Variants in HABP4 observed in about 807,000 individuals in gnomAD.
The protein encoded by HABP4 is hyaluronan binding protein 4, also known as intracellular hyaluronan-binding protein 4.
A neutral mutation model predicts 44.1 loss-of-function variants in HABP4; 32 were observed. The observed-to-expected ratio is 0.73, with a 90% CI of 0.55 to 0.97. The LOEUF (loss-of-function observed/expected upper bound fraction) is 0.97, where lower values mean the gene tolerates loss of function less well. Among genes scored for constraint, HABP4 ranks in the 50% least tolerant of loss-of-function variants. The pLI is 0.00. For missense variants in HABP4, 503 were observed against 561.9 expected (o/e 0.90, Z 1.06); for synonymous variants, 216 against 218.0 (o/e 0.99, Z 0.08).
intron 1 of HABP4, among the ~76,000 whole-genome samples, chr9:96,456,789 A>G (rs2131116654): frequency 1.8e-5 from 1 of 57,040 alleles, no homozygotes; most frequent in South Asian, 7.5e-4. Context: ...AAATATATAT[A>G]TATATATATA....
intron 1 of HABP4, among the ~76,000 whole-genome samples, chr9:96,454,509 G>T (rs1344075028): frequency 6.8e-6 from 1 of 146,846 alleles, no homozygotes; most frequent in African/African-American, 2.5e-5. Flanking sequence ...GAAGTGCAGT[G>T]GCACGATCTT....
At position 96,491,168 on chromosome 9, in the gene HABP4, C is replaced by T. The variant is rs1833089678; in HGVS notation, c.*1130C>T. 1 of 152,240 alleles carries T rather than the reference C, an allele frequency of 6.6e-6. No individual in the cohort carries two copies. Among genetic ancestry groups the T allele is most frequent in the East Asian group, 1.9e-4 (1 of 5,194 alleles). 9.4% of individuals were successfully genotyped at this position (152,240 alleles called of 1,614,324 possible). On this transcript the variant is annotated 3_prime_UTR_variant, in exon 8 of 8. Transcript: ENST00000375249. ...TGGGGTGTTGCTCTCCCCGCTTTCTCATAGACACAGAGGTACTGTCTGCCT... is the reference window on the plus strand; with the variant it reads ...TGGGGTGTTGCTCTCCCCGCTTTCTTATAGACACAGAGGTACTGTCTGCCT...
intron 2 of HABP4, among the ~76,000 whole-genome samples, chr9:96,459,024 G>A (rs1160090042): frequency 1.3e-5 from 2 of 152,176 alleles, no homozygotes; most frequent in East Asian, 3.9e-4. Flanking sequence ...ATGATGGGAA[G>A]GATCTTCCTT....
intron 1 of HABP4, among the ~76,000 whole-genome samples, chr9:96,457,484 C>A (rs1275438439): frequency 6.6e-6 from 1 of 152,226 alleles, no homozygotes; most frequent in African/African-American, 2.4e-5. Context: ...GGTTCATATT[C>A]AGGAAGTTAT....
intron 2 of HABP4, among the ~76,000 whole-genome samples, chr9:96,460,302 G>C (rs577827130): frequency 3.3e-5 from 5 of 151,776 alleles, no homozygotes; most frequent in African/African-American, 1.2e-4. Context: ...TCTGCCCTTC[G>C]AGACCCCCCA....
At chr9:96,461,653 T>A (rs561476289) in intron 2 of HABP4, among the ~76,000 whole-genome samples, 12 of 152,262 alleles carry the variant, frequency 7.9e-5, no homozygotes, top group South Asian at 2.1e-4. Flanking sequence ...GTGACAAGAC[T>A]ACTACACACA....
intron 1 of HABP4, among the ~76,000 whole-genome samples, chr9:96,455,172 T>C (rs1318860407): frequency 6.6e-6 from 1 of 151,988 alleles, no homozygotes; most frequent in Non-Finnish European, 1.5e-5. Flanking sequence ...AATACTCTGC[T>C]GGGTGCAGTG....
At chr9:96,474,326 T>C (rs540355862) in intron 5 of HABP4, among the ~76,000 whole-genome samples, 1 of 152,342 alleles carries the variant, frequency 6.6e-6, no homozygotes, top group South Asian at 2.1e-4. Context: ...CAGGAGAACA[T>C]TATATCCTTT....
Position 96,491,329 on chromosome 9 carries a change from G to A in HABP4, c.*1291G>A, listed in dbSNP as rs781556344. On this transcript the variant is annotated 3_prime_UTR_variant, in exon 8 of 8. Transcript: ENST00000375249. The stretch of plus-strand genomic sequence containing the variant: ...CAAGTGCAAATAAAGGTTGGTATTC[G>A]CTCCTGACTTTGTGTAGAGAAAACA... 5.9e-5 allele frequency: 9 copies of A among 152,306 alleles called. No individual in the cohort carries two copies. Among genetic ancestry groups the A allele is most frequent in the East Asian group, 3.9e-4 (2 of 5,190 alleles). The allele number at this position is 152,306 out of a possible 1,614,324, so 9.4% of individuals were successfully genotyped here.
At chr9:96,467,088 A>G (rs542458455) in intron 4 of HABP4, among the ~76,000 whole-genome samples, 2 of 151,774 alleles carry the variant, frequency 1.3e-5, no homozygotes, top group African/African-American at 4.8e-5. Flanking sequence ...ATGCCTGGCT[A>G]ATTTTTGTAT....
intron 5 of HABP4, chr9:96,483,498 C>T (rs957595484): frequency 2.6e-5 from 4 of 152,188 alleles, no homozygotes; most frequent in African/African-American, 9.7e-5. Flanking sequence ...GCGATCCTCC[C>T]ACCTCAGCCC....
rs1292635425 is a variant in HABP4, at chr9:96,456,777, AAAAATATATATATATATAT to A, written c.350-1600_350-1582del. On this transcript the variant is annotated intron_variant, in intron 1 of 7. Transcript: ENST00000375249. ...TCCATCTCAAAAAAAAAAAAAAAAAAAAAATATATATATATATATATATATATATATATATATATATATA... is the reference window on the plus strand; with the variant it reads ...TCCATCTCAAAAAAAAAAAAAAAAAAATATATATATATATATATATATATA... 4.2e-4 allele frequency among the ~76,000 whole-genome samples: 27 copies of A among 64,452 alleles called. No homozygotes were observed. In the East Asian group the frequency reaches 0.014, roughly 34 times the overall value. The allele number at this position is 64,452 out of a possible 152,430, so 42.3% of individuals were successfully genotyped here. A position where few individuals can be genotyped will look rare whatever the true frequency, so the allele number is the denominator to read the frequency against.
chr9:96,453,877 TGTG>T (rs1371553992), intron 1 of HABP4, among the ~76,000 whole-genome samples: 2 of 150,724 alleles, frequency 1.3e-5, no homozygotes. Flanking sequence ...AGTACTAAAT[TGTG>T]GGGAAAAAAT....
chr9:96,450,822 G>C lies in HABP4; in HGVS notation c.349+194G>C, dbSNP rs1832262219. Reference sequence around the variant, plus strand: ...TCGCCAGCCTCGTGCGGGGCTCCGGGGGAAACGCTGGCTTGGGGTGGGATA... The same window carrying C: ...TCGCCAGCCTCGTGCGGGGCTCCGGCGGAAACGCTGGCTTGGGGTGGGATA... On this transcript the variant is annotated intron_variant, in intron 1 of 7. Transcript: ENST00000375249. This position sits in a 1 kb window ranked among gnomAD's most constrained non-coding sequence, Gnocchi z 4.8. Among the ~76,000 whole-genome samples the C allele has an allele frequency of 6.6e-6, 1 of 152,190 alleles. No individual in the cohort carries two copies. Among genetic ancestry groups the C allele is most frequent in the Admixed American group, 6.5e-5 (1 of 15,286 alleles).
rs1833005245 is a variant in HABP4, at chr9:96,488,026, A to T, written c.1000-63A>T. ...CCTGTGTAGCACACTGCAGCCACTA[A>T]GCCAGATGAGTGTGGGGATGGCTGT... On this transcript the variant is annotated intron_variant, in intron 6 of 7. Coordinates refer to ENST00000375249, the MANE Select transcript of HABP4 (RefSeq NM_014282.4). This position sits in a 1 kb window ranked among gnomAD's most constrained non-coding sequence, Gnocchi z 4.6. 2.6e-6 allele frequency: 3 copies of T among 1,158,678 alleles called. No individual in the cohort carries two copies. Among genetic ancestry groups the T allele is most frequent in the Non-Finnish European group, 3.9e-6 (3 of 775,766 alleles). 71.8% of individuals were successfully genotyped at this position (1,158,678 alleles called of 1,614,324 possible).
At chr9:96,472,510 A>G (rs1832714968) in intron 5 of HABP4, among the ~76,000 whole-genome samples, 1 of 152,080 alleles carries the variant, frequency 6.6e-6, no homozygotes, top group Admixed American at 6.6e-5. Context: ...CAAGACTGCT[A>G]CACCTGCACG....
chr9:96,456,770 AAAAAAAAAAAATATAT>A (rs1390395461), intron 1 of HABP4, among the ~76,000 whole-genome samples: 4 of 69,314 alleles, frequency 5.8e-5, no homozygotes, highest in East Asian at 4.8e-4. Flanking sequence ...AAAAAAAAAA[AAAAAAAAAAAATATAT>A]ATATATATAT....
intron 1 of HABP4, among the ~76,000 whole-genome samples, chr9:96,451,114 T>C (rs1832268093): frequency 6.6e-6 from 1 of 152,078 alleles, no homozygotes; most frequent in African/African-American, 2.4e-5. Context: ...CGGGGCGGCC[T>C]GTGACGTCGG....
chr9:96,469,308 C>G (rs1336601128), intron 4 of HABP4, among the ~76,000 whole-genome samples: 1 of 152,132 alleles, frequency 6.6e-6, no homozygotes, highest in Non-Finnish European at 1.5e-5. Flanking sequence ...TTTATTTGTT[C>G]TCAAAGCAAA....
Sources: gnomAD v4.1 joint callset for allele counts (sites outside exome capture counted in the v4.1 genomes callset) on GRCh38, gnomAD v4.1.1 for gene constraint, Gnocchi (gnomAD v3.1) non-coding constraint, MANE v1.5 for transcripts, NCBI Gene and HGNC (gene_info 2026-07-23, HGNC 2026-07-21) for gene names.